CD99L2: variants seen among roughly 807,000 people sequenced by gnomAD.
CD99L2 encodes the protein CD99 molecule like 2.
A neutral mutation model predicts 27.3 loss-of-function variants in CD99L2; 24 were observed. The ratio of observed to expected loss-of-function variants is 0.88; its 90% confidence interval spans 0.64 to 1.24. The LOEUF (loss-of-function observed/expected upper bound fraction) is 1.24. Among genes scored for constraint, CD99L2 ranks in the 50% most tolerant of loss-of-function variants. CD99L2 has a pLI of 0.00. For missense variants in CD99L2, 255 were observed against 221.6 expected, an observed-to-expected ratio of 1.15 and a Z score of -0.96; for synonymous variants, 97 against 87.9, an observed-to-expected ratio of 1.10 and a Z score of -0.58.
chrX:150,889,291 C>A (rs1284343369), intron 1 of CD99L2, among the ~76,000 whole-genome samples: 1 of 112,422 alleles, frequency 8.9e-6, no homozygotes, highest in South Asian at 3.6e-4. Context: ...GGCCACTGAC[C>A]GGTATGAGCT....
chrX:150,806,312 G>C (rs142577866), intron 4 of CD99L2, among the ~76,000 whole-genome samples: 6,488 of 111,939 alleles, frequency 0.058, 214 homozygotes, highest in Non-Finnish European at 0.093. Context: ...CTGCAGTGCA[G>C]TGGCACGATC....
chrX:150,826,307 T>A (rs782578153), intron 2 of CD99L2, among the ~76,000 whole-genome samples: 1 of 111,729 alleles, frequency 9.0e-6, no homozygotes, highest in African/African-American at 3.3e-5. Context: ...ACAGGGCCCA[T>A]GGTATTCCCA....
intron 9 of CD99L2, chrX:150,771,746 G>C: frequency 8.8e-7 from 1 of 1,132,352 alleles, no homozygotes; most frequent in Admixed American, 2.6e-5. Flanking sequence ...AGCAGGGGGC[G>C]AATGAGGAAG....
chrX:150,843,249 T>A (rs1291341815), intron 1 of CD99L2, among the ~76,000 whole-genome samples: 1 of 112,051 alleles, frequency 8.9e-6, no homozygotes, highest in Non-Finnish European at 1.9e-5. Flanking sequence ...ACCTTCTTCC[T>A]TTGTACATGT....
chrX:150,779,892 C>T (rs1557419401), intron 7 of CD99L2, among the ~76,000 whole-genome samples: 1 of 111,938 alleles, frequency 8.9e-6, no homozygotes, highest in African/African-American at 3.2e-5. Flanking sequence ...AAAGTGCAAG[C>T]AACAAAAGAA....
At chrX:150,838,121 G>A (rs1448957425) in intron 1 of CD99L2, among the ~76,000 whole-genome samples, 2 of 112,276 alleles carry the variant, frequency 1.8e-5, no homozygotes, top group Middle Eastern at 4.6e-3. Context: ...CGTAACTCCA[G>A]TCTAATCATG....
intron 1 of CD99L2, among the ~76,000 whole-genome samples, chrX:150,876,057 T>C (rs2047224210): frequency 8.9e-6 from 1 of 112,389 alleles, no homozygotes; most frequent in Non-Finnish European, 1.9e-5. Context: ...GTGTCAATAG[T>C]TTGTTCTTTT....
intron 1 of CD99L2, among the ~76,000 whole-genome samples, chrX:150,849,646 C>T (rs1467830348): frequency 1.8e-5 from 2 of 111,713 alleles, no homozygotes; most frequent in Non-Finnish European, 3.8e-5. Flanking sequence ...CGCACCACTG[C>T]GCTCCAGCCT....
chrX:150,843,856 G>A (rs1213241681), intron 1 of CD99L2, among the ~76,000 whole-genome samples: 3 of 110,788 alleles, frequency 2.7e-5, no homozygotes, highest in African/African-American at 9.9e-5. Flanking sequence ...TCACCTGCCT[G>A]TCATCTGGGC....
intron 1 of CD99L2, among the ~76,000 whole-genome samples, chrX:150,869,077 G>A (rs1028207232): frequency 2.7e-5 from 3 of 112,045 alleles, no homozygotes; most frequent in African/African-American, 9.7e-5. Flanking sequence ...AGCTTGTCCC[G>A]ATGATGGTCC....
At chrX:150,855,779 C>CTA (rs2046875154) in intron 1 of CD99L2, among the ~76,000 whole-genome samples, 1 of 111,537 alleles carries the variant, frequency 9.0e-6, no homozygotes, top group Non-Finnish European at 1.9e-5. Context: ...CCAAGGATCG[C>CTA]TACCAGCAGC....
intron 1 of CD99L2, among the ~76,000 whole-genome samples, chrX:150,874,928 G>A (rs1043693168): frequency 9.0e-5 from 10 of 111,559 alleles, no homozygotes; most frequent in African/African-American, 2.9e-4. Context: ...CCACAAACTA[G>A]GTCCCCACAC....
intron 4 of CD99L2, among the ~76,000 whole-genome samples, chrX:150,814,383 A>G (rs974644135): frequency 2.0e-4 from 22 of 111,605 alleles, no homozygotes; most frequent in Non-Finnish European, 4.1e-4. Flanking sequence ...GTGAGGCCAG[A>G]TTTCCTTCAT....
At position 150,837,385 on chromosome X, in the gene CD99L2, G is replaced by A. The variant is rs887897216; in HGVS notation, c.68-6092C>T. Among the ~76,000 whole-genome samples the A allele has an allele frequency of 2.7e-5, 3 of 110,843 alleles. No individual in the cohort carries two copies. In the Admixed American group the frequency reaches 2.9e-4, roughly 11 times the overall value. On this transcript the variant is annotated intron_variant, in intron 1 of 10. Coordinates refer to ENST00000370377, the MANE Select transcript of CD99L2 (RefSeq NM_031462.4). ...CTGTCTCAGCCTCCTGAGTAGCTGGGATTACAGGCACCCGCCACCACACTT... is the reference window on the plus strand; with the variant it reads ...CTGTCTCAGCCTCCTGAGTAGCTGGAATTACAGGCACCCGCCACCACACTT...
chrX:150,889,313 C>T (rs1332956054), intron 1 of CD99L2, among the ~76,000 whole-genome samples: 1 of 112,623 alleles, frequency 8.9e-6, no homozygotes, highest in East Asian at 2.8e-4. Context: ...CATCAAAGGG[C>T]TTCTTTGTCC....
chrX:150,804,306 C>G (rs893234288), intron 4 of CD99L2, among the ~76,000 whole-genome samples: 2 of 112,099 alleles, frequency 1.8e-5, no homozygotes, highest in South Asian at 7.4e-4. Flanking sequence ...CCTGAACAAC[C>G]AACGGGTCAA....
rs1569565822 is a variant in CD99L2 at position 150,769,676 on chromosome X, CCT to C, written c.722-577_722-576del. Among the ~76,000 whole-genome samples the C allele has an allele frequency of 1.1e-3, 101 of 90,508 alleles. 5 individuals carry two copies. In the East Asian group the frequency reaches 0.033, roughly 30 times the overall value. The allele number at this position is 90,508 out of a possible 115,157, so 78.6% of individuals were successfully genotyped here. A position where few individuals can be genotyped will look rare whatever the true frequency, so the allele number is the denominator to read the frequency against. The stretch of plus-strand genomic sequence containing the variant: ...CGCCTGAGCTGTCCTAGTCTCCCTG[CCT>C]GCGCCACCAGGCCTCGGCTGCTCCC... On this transcript the variant is annotated intron_variant, in intron 10 of 10. Transcript: ENST00000370377.
intron 1 of CD99L2, among the ~76,000 whole-genome samples, chrX:150,843,244 C>T (rs2046648708): frequency 8.9e-6 from 1 of 112,065 alleles, no homozygotes; most frequent in African/African-American, 3.2e-5. Flanking sequence ...ATTCTACCTT[C>T]TTCCTTTGTA....
intron 1 of CD99L2, among the ~76,000 whole-genome samples, chrX:150,853,747 C>T (rs1420287116): frequency 2.7e-5 from 3 of 111,894 alleles, no homozygotes; most frequent in African/African-American, 9.8e-5. Context: ...GCCTTTTCTA[C>T]AGCACAAGCA....
Sources: allele counts gnomAD v4.1 joint callset (sites outside exome capture counted in the v4.1 genomes callset), GRCh38; gene constraint gnomAD v4.1.1; transcripts MANE v1.5; gene names NCBI Gene and HGNC (gene_info 2026-07-23, HGNC 2026-07-21).